Variants in EYA1 observed in about 807,000 individuals in gnomAD.
EYA1 encodes EYA transcriptional coactivator and phosphatase 1.
EYA1 carries 16 observed loss-of-function variants against 82.0 expected under a neutral mutation model. The observed-to-expected ratio is 0.20, with a 90% CI of 0.13 to 0.30. The LOEUF (loss-of-function observed/expected upper bound fraction) is 0.30, where lower values mean the gene tolerates loss of function less well. Ranked by LOEUF, EYA1 falls within the 10% of genes least tolerant of loss-of-function variation. The probability of loss-of-function intolerance (pLI) is 1.00; values close to 1 mark genes in which losing one functional copy is unlikely to be tolerated. For synonymous variants in EYA1, 261 were observed against 264.4 expected (o/e 0.99, Z 0.12); for missense variants, 633 against 730.7 (o/e 0.87, Z 1.54).
At chr8:71,311,752 G>T (rs903376570) in intron 7 of EYA1, among the ~76,000 whole-genome samples, 1 of 152,140 alleles carries the variant, frequency 6.6e-6, no homozygotes, top group African/African-American at 2.4e-5. Context: ...GTGCACAAAA[G>T]AAAAATTAAA....
At chr8:71,225,952 T>A (rs1489050662) in intron 12 of EYA1, among the ~76,000 whole-genome samples, 2 of 152,234 alleles carry the variant, frequency 1.3e-5, no homozygotes, top group African/African-American at 4.8e-5. Context: ...AGATTTGAAT[T>A]ACAGAAGTTT....
chr8:71,458,321 T>G (rs1808109551), intron 2 of EYA1, among the ~76,000 whole-genome samples: 1 of 152,152 alleles, frequency 6.6e-6, no homozygotes. Context: ...TGTTAAGAAT[T>G]ACAGGGGTAC....
chr8:71,427,114 T>A (rs1400171519), intron 2 of EYA1, among the ~76,000 whole-genome samples: 2 of 152,236 alleles, frequency 1.3e-5, no homozygotes. Context: ...GTGTGACTGA[T>A]CTAAACTTAG....
intron 11 of EYA1, among the ~76,000 whole-genome samples, chr8:71,260,568 A>G (rs1346387836): frequency 2.0e-5 from 3 of 152,240 alleles, no homozygotes; most frequent in Non-Finnish European, 4.4e-5. Context: ...TGCTATTTAA[A>G]TAATTAATCT....
intron 2 of EYA1, among the ~76,000 whole-genome samples, chr8:71,507,237 C>A (rs1209483846): frequency 1.3e-5 from 2 of 152,256 alleles, no homozygotes; most frequent in South Asian, 2.1e-4. Context: ...AAGACATTTG[C>A]CCAAGGTCAC....
At chr8:71,422,969 G>A (rs948344191) in intron 2 of EYA1, among the ~76,000 whole-genome samples, 9 of 152,096 alleles carry the variant, frequency 5.9e-5, no homozygotes, top group East Asian at 5.8e-4. Flanking sequence ...GATTATTCTC[G>A]TTTTACACAT....
intron 17 of EYA1, among the ~76,000 whole-genome samples, chr8:71,206,825 G>A (rs1167722948): frequency 1.3e-5 from 2 of 151,812 alleles, no homozygotes; most frequent in East Asian, 1.9e-4. Context: ...GCATGAGTTC[G>A]GCTAACTGCA....
At chr8:71,460,655 C>T (rs937872533) in intron 2 of EYA1, among the ~76,000 whole-genome samples, 3 of 152,208 alleles carry the variant, frequency 2.0e-5, no homozygotes, top group African/African-American at 7.2e-5. Flanking sequence ...TAACCAGGCT[C>T]TGAAGTGTTT....
At chr8:71,490,334 C>T (rs1229752755) in intron 2 of EYA1, among the ~76,000 whole-genome samples, 1 of 152,114 alleles carries the variant, frequency 6.6e-6, no homozygotes, top group Non-Finnish European at 1.5e-5. Flanking sequence ...GACAAGGTTT[C>T]TTGATTTGCT....
chr8:71,541,518 G>A (rs1181620309), intron 1 of EYA1, among the ~76,000 whole-genome samples: 1 of 152,122 alleles, frequency 6.6e-6, no homozygotes, highest in Non-Finnish European at 1.5e-5. Flanking sequence ...TGCTTATTTG[G>A]TAAGGAAAAT....
intron 2 of EYA1, among the ~76,000 whole-genome samples, chr8:71,486,737 A>G (rs568689487): frequency 1.6e-4 from 25 of 152,236 alleles, no homozygotes; most frequent in African/African-American, 5.8e-4. Context: ...TGCAAGGGTG[A>G]GGTTCTAAGA....
chr8:71,479,094 C>T (rs544549011), intron 2 of EYA1, among the ~76,000 whole-genome samples: 2 of 152,146 alleles, frequency 1.3e-5, no homozygotes, highest in Non-Finnish European at 2.9e-5. Context: ...TACTTTCCCA[C>T]ACCACACCCT....
chr8:71,241,073 C>T (rs576736050), intron 12 of EYA1, among the ~76,000 whole-genome samples: 124 of 152,250 alleles, frequency 8.1e-4, no homozygotes, highest in African/African-American at 2.4e-3. Context: ...GAAAGCCAGA[C>T]GTACACTACG....
At chr8:71,453,038 T>A (rs575095157) in intron 2 of EYA1, among the ~76,000 whole-genome samples, 1 of 152,262 alleles carries the variant, frequency 6.6e-6, no homozygotes, top group Admixed American at 6.5e-5. Flanking sequence ...ATTAGGTGAA[T>A]GGCTAACTAG....
At chr8:71,450,923 AAAG>A (rs1381485069) in intron 2 of EYA1, among the ~76,000 whole-genome samples, 3 of 152,242 alleles carry the variant, frequency 2.0e-5, no homozygotes, top group Non-Finnish European at 4.4e-5. Flanking sequence ...ACAAGTAAGC[AAAG>A]ATTATGAACT....
chr8:71,274,928 G>GAGCGAGAGCACGAGAGCACGAGAGCA (rs57341151), intron 9 of EYA1, among the ~76,000 whole-genome samples: 1 of 151,772 alleles, frequency 6.6e-6, no homozygotes, highest in Non-Finnish European at 1.5e-5. Flanking sequence ...GAGAGAATGA[G>GAGCGAGAGCACGAGAGCACGAGAGCA]AGCGAGTGAA....
At chr8:71,326,107 C>A (rs978090898) in intron 4 of EYA1, among the ~76,000 whole-genome samples, 4 of 152,156 alleles carry the variant, frequency 2.6e-5, no homozygotes, top group Non-Finnish European at 5.9e-5. Context: ...TTCAATTATT[C>A]CATTCTCTGT....
chr8:71,294,182 G>A (rs955405839), intron 9 of EYA1, among the ~76,000 whole-genome samples: 3 of 152,244 alleles, frequency 2.0e-5, no homozygotes, highest in Middle Eastern at 3.4e-3. Flanking sequence ...CACACCGGCC[G>A]GGCGCGGTGG....
chr8:71,526,073 A>C (rs1320941833), intron 2 of EYA1, among the ~76,000 whole-genome samples: 2 of 152,168 alleles, frequency 1.3e-5, no homozygotes, highest in African/African-American at 2.4e-5. Context: ...TTAGCAGTTC[A>C]AAGCACTTAT....
Sources: allele counts gnomAD v4.1 joint callset (sites outside exome capture counted in the v4.1 genomes callset), GRCh38; gene constraint gnomAD v4.1.1; transcripts MANE v1.5; gene names NCBI Gene and HGNC (gene_info 2026-07-23, HGNC 2026-07-21).